Variants in DNAH11 observed in about 807,000 individuals in gnomAD.
The protein encoded by DNAH11 is dynein axonemal heavy chain 11.
In DNAH11, 442 loss-of-function variants were observed where a neutral mutation model predicts 526.0. The ratio of observed to expected loss-of-function variants is 0.84; its 90% confidence interval spans 0.78 to 0.91. DNAH11 has a LOEUF of 0.91. Among genes scored for constraint, DNAH11 ranks in the 40% least tolerant of loss-of-function variants. The pLI is 0.00. For synonymous variants in DNAH11, 2,461 were observed against 1,935.9 expected (o/e 1.27, Z -7.12); for missense variants, 6,989 against 5,448.7 (o/e 1.28, Z -8.90).
chr7:21,616,826 A>G (rs1785803668), intron 22 of DNAH11, among the ~76,000 whole-genome samples: 1 of 152,228 alleles, frequency 6.6e-6, no homozygotes, highest in Non-Finnish European at 1.5e-5. Context: ...TCTATTCTGC[A>G]TAGCCGTATG....
chr7:21,729,896 C>A (rs1785300678), intron 45 of DNAH11, among the ~76,000 whole-genome samples: 1 of 152,222 alleles, frequency 6.6e-6, no homozygotes, highest in Non-Finnish European at 1.5e-5. Context: ...CAGCCCACTT[C>A]TTAGAATCAA....
Position 21,739,577 on chromosome 7 carries a change from T to C in DNAH11, c.7818T>C (p.Asp2606=), listed in dbSNP as rs1049247750. The C allele has an allele frequency of 1.1e-5, 17 of 1,610,908 alleles. No individual in the cohort carries two copies. The highest frequency in any genetic ancestry group is 2.2e-5 in the East Asian group (1 of 44,858). The part of the protein sequence containing the change: ...RQHIDYGHWY[D]RQKVMLKEIH... ...TCTGTTTTCTGTCTTTCAGGTATGATAGACAGAAGGTGATGCTTAAAGAAA... is the reference window on the plus strand; with the variant it reads ...TCTGTTTTCTGTCTTTCAGGTATGACAGACAGAAGGTGATGCTTAAAGAAA... Residue 2606 remains aspartate, a synonymous_variant, in exon 48 of 82, where the codon GAT becomes GAC. Coordinates refer to ENST00000409508, the MANE Select transcript of DNAH11 (RefSeq NM_001277115.2).
intron 66 of DNAH11, chr7:21,851,050 A>T (rs1782612966): frequency 6.5e-6 from 1 of 152,750 alleles, no homozygotes. Flanking sequence ...AAGGACAGGA[A>T]TTCTGCCTTC....
intron 29 of DNAH11, among the ~76,000 whole-genome samples, chr7:21,658,295 T>C (rs1782102176): frequency 6.6e-6 from 1 of 152,180 alleles, no homozygotes; most frequent in African/African-American, 2.4e-5. Context: ...AAACATTTTA[T>C]CTTAAAACTG....
intron 25 of DNAH11, among the ~76,000 whole-genome samples, chr7:21,623,893 C>G (rs1010537491): frequency 6.6e-6 from 1 of 151,582 alleles, no homozygotes; most frequent in Non-Finnish European, 1.5e-5. Flanking sequence ...TGCAGCACAC[C>G]AGCATGGCAC....
At chr7:21,661,913 A>G (rs1782256955) in intron 30 of DNAH11, among the ~76,000 whole-genome samples, 3 of 151,910 alleles carry the variant, frequency 2.0e-5, no homozygotes, top group Non-Finnish European at 4.4e-5. Context: ...TCTACCTTCC[A>G]GGTCAAGCAA....
rs182389910 is a variant in DNAH11 at position 21,861,883 on chromosome 7, G to C, written c.11233G>C (p.Glu3745Gln). Residue 3745 changes from glutamate to glutamine, a missense_variant, in exon 69 of 82, where the codon GAG becomes CAG. Coordinates refer to ENST00000409508, the MANE Select transcript of DNAH11 (RefSeq NM_001277115.2). ...AFNVLFHRAI[E>Q]QADKVEDMQG... ...TAACGTGCTGTTCCACAGAGCGATC[G>C]AGCAGGCTGACAAGGTGGAAGACAT... The C allele has an allele frequency of 1.9e-6, 3 of 1,613,134 alleles. No homozygotes were observed. Among genetic ancestry groups the C allele is most frequent in the Non-Finnish European group, 2.5e-6 (3 of 1,179,634 alleles).
rs764372744 is a variant in DNAH11, at chr7:21,717,762, T to G, written c.6984-13T>G. 6.2e-7 allele frequency: 1 copy of G among 1,613,444 alleles called. No individual in the cohort carries two copies. The highest frequency in any genetic ancestry group is 1.3e-5 in the African/African-American group (1 of 74,896). On this transcript the variant is annotated splice_polypyrimidine_tract_variant and intron_variant, in intron 42 of 81. Transcript: ENST00000409508. ...CTAGTGTTCAATAAAAGCTTTTCTG[T>G]GTTCCTTTTCAGGTATGTGGCCAGT...
At position 21,711,841 on chromosome 7, in the gene DNAH11, C is replaced by G; in HGVS notation, c.6964C>G (p.Gln2322Glu). ...AGCTGGTATTCTGTATGTGAACCCA[C>G]AAGATCTGGGCTGGAATCCGTGAGT... ...SRAGILYVNP[Q>E]DLGWNPYVAS... Residue 2322 changes from glutamine to glutamate, a missense_variant, in exon 42 of 82, where the codon CAA becomes GAA. By Grantham distance (29) the Gln-to-Glu change is conservative (BLOSUM62 2). Transcript: ENST00000409508. The G allele has an allele frequency of 6.2e-7, 1 of 1,613,432 alleles. No individual in the cohort carries two copies.
chr7:21,615,838 A>G (rs1003497701), intron 21 of DNAH11, among the ~76,000 whole-genome samples: 11 of 152,204 alleles, frequency 7.2e-5, no homozygotes, highest in African/African-American at 2.7e-4. Context: ...AGTTTTGTTT[A>G]TAATGGTTGA....
At chr7:21,548,964 C>T (rs1172913473) in intron 2 of DNAH11, among the ~76,000 whole-genome samples, 3 of 152,008 alleles carry the variant, frequency 2.0e-5, no homozygotes, top group Non-Finnish European at 4.4e-5. Flanking sequence ...TCACTGCAAC[C>T]TCTGCCTCCC....
chr7:21,583,324 A>G (rs1011933066), intron 9 of DNAH11, among the ~76,000 whole-genome samples: 5 of 146,194 alleles, frequency 3.4e-5, no homozygotes, highest in African/African-American at 5.6e-5. Flanking sequence ...CCTGACAAAA[A>G]CAAGCAATGG....
intron 32 of DNAH11, among the ~76,000 whole-genome samples, chr7:21,686,508 A>C (rs1583593667): frequency 6.6e-6 from 1 of 152,228 alleles, no homozygotes; most frequent in East Asian, 1.9e-4. Flanking sequence ...TGCAAAAATA[A>C]GTATTATGGT....
At position 21,655,874 on chromosome 7, in the gene DNAH11, C is replaced by T. The variant is rs541180386; in HGVS notation, c.4987C>T (p.Leu1663=). Residue 1663 remains leucine, a synonymous_variant, in exon 29 of 82, where the codon CTG becomes TTG. Transcript: ENST00000409508. ...CAAACTTTTCGACAGCATTGCAGAT[C>T]TGCAGTTTGAAGACAATCAGGATGT... ...LAKLFDSIAD[L]QFEDNQDVSA... 1.5e-5 allele frequency: 25 copies of T among 1,613,346 alleles called. No homozygotes were observed. In the Admixed American group the frequency reaches 3.2e-4, roughly 20 times the overall value.
chr7:21,898,932 T>C lies in DNAH11; in HGVS notation c.13050-404T>C, dbSNP rs182464720. On this transcript the variant is annotated intron_variant, in intron 79 of 81. Coordinates refer to ENST00000409508, the MANE Select transcript of DNAH11 (RefSeq NM_001277115.2). ...AGATTTCCCGGCAACTCTGGTCTTG[T>C]AACCACCATCACAGCCTTGCCATCC... Among the ~76,000 whole-genome samples the C allele has an allele frequency of 2.6e-5, 4 of 152,326 alleles. No individual in the cohort carries two copies. In the East Asian group the frequency reaches 7.7e-4, roughly 29 times the overall value.
In DNAH11 at chr7:21,705,447, G is replaced by A. The variant is rs746195061; in HGVS notation, c.6469-13G>A. The stretch of plus-strand genomic sequence containing the variant: ...CCTTAAAGGAAACCAGCAACCAGCT[G>A]TTTGCTCTGCAGGTTGTCCAGCTTG... On this transcript the variant is annotated splice_polypyrimidine_tract_variant and intron_variant, in intron 38 of 81. Transcript: ENST00000409508. The A allele has an allele frequency of 3.1e-6, 5 of 1,613,424 alleles. No individual in the cohort carries two copies. Among genetic ancestry groups the A allele is most frequent in the Non-Finnish European group, 4.2e-6 (5 of 1,179,584 alleles).
chr7:21,796,725 C>A (rs1788729711), intron 61 of DNAH11, among the ~76,000 whole-genome samples: 1 of 152,144 alleles, frequency 6.6e-6, no homozygotes, highest in African/African-American at 2.4e-5. Context: ...TACTTTCCAT[C>A]TTTGTGAGCT....
chr7:21,830,938 A>G (rs1199478070), intron 65 of DNAH11, among the ~76,000 whole-genome samples: 7 of 152,214 alleles, frequency 4.6e-5, no homozygotes, highest in Admixed American at 4.6e-4. Context: ...CCAAACCAGC[A>G]AATCTCAGCC....
At chr7:21,732,394 G>A (rs1321610794) in intron 45 of DNAH11, among the ~76,000 whole-genome samples, 4 of 152,116 alleles carry the variant, frequency 2.6e-5, no homozygotes, top group African/African-American at 9.7e-5. Context: ...CCTCTTTAAA[G>A]CCCGTGTCTC....
Sources: allele counts gnomAD v4.1 joint callset (sites outside exome capture counted in the v4.1 genomes callset), GRCh38; gene constraint gnomAD v4.1.1; transcripts MANE v1.5; gene names NCBI Gene and HGNC (gene_info 2026-07-23, HGNC 2026-07-21).